The following LYPD5 variants were observed in gnomAD, a reference collection of about 807,000 sequenced individuals.
LYPD5 encodes ly6/PLAUR domain-containing protein 5.
A neutral mutation model predicts 19.1 loss-of-function variants in LYPD5; 21 were observed. That is an observed-to-expected ratio of 1.10 (90% CI 0.78 to 1.58). The LOEUF (loss-of-function observed/expected upper bound fraction) is 1.58. LYPD5 is among the 40% of genes most tolerant of loss of function. The probability of loss-of-function intolerance (pLI) is 0.00; values close to 1 mark genes in which losing one functional copy is unlikely to be tolerated. For synonymous variants in LYPD5, 128 were observed against 142.7 expected, an observed-to-expected ratio of 0.90 and a Z score of 0.74; for missense variants, 287 against 329.8, an observed-to-expected ratio of 0.87 and a Z score of 1.00.
At chr19:43,799,557 CTTT>C in intron 2 of LYPD5, 146 bp downstream of exon 2, 1 of 950,472 alleles carries the variant, frequency 1.1e-6, no homozygotes, top group South Asian at 1.7e-5. Context: ...CCACCCTTTT[CTTT>C]TTCTTCCTCC....
rs1425244581 is a variant in LYPD5 at position 43,812,058 on chromosome 19, A to G, written c.-66+8482T>C. ...TTGGGTGGTGGCTGGATGACCCAGA[A>G]TGGTCTCACTCACAAGACTGGCTGT... On this transcript the variant is annotated intron_variant, in intron 1 of 4. Coordinates refer to the LYPD5 transcript ENST00000414615. Among the ~76,000 whole-genome samples the G allele has an allele frequency of 2.0e-5, 3 of 152,098 alleles. No homozygotes were observed. The East Asian group carries it at 5.8e-4, about 29-fold the overall frequency.
At chr19:43,816,145 G>T (rs180814044) in intron 1 of LYPD5, among the ~76,000 whole-genome samples, 1 of 152,232 alleles carries the variant, frequency 6.6e-6, no homozygotes, top group African/African-American at 2.4e-5. Flanking sequence ...CTGTTTATCA[G>T]TTTAGGAAGT....
intron 1 of LYPD5, among the ~76,000 whole-genome samples, chr19:43,816,228 A>G (rs534850375): frequency 6.6e-6 from 1 of 152,298 alleles, no homozygotes; most frequent in East Asian, 1.9e-4. Flanking sequence ...GACTTCTAAA[A>G]TCTTCACTGA....
chr19:43,807,935 CTT>C (rs1970285774), intron 1 of LYPD5, among the ~76,000 whole-genome samples: 1 of 152,154 alleles, frequency 6.6e-6, no homozygotes, highest in Non-Finnish European at 1.5e-5. Context: ...CTACTCATTT[CTT>C]TGTTTTAGTG....
At chr19:43,802,483 T>A, upstream of LYPD5, 1 of 1,035,200 alleles carries the variant, frequency 9.7e-7, no homozygotes, top group Non-Finnish European at 1.5e-6. Context: ...GCCTGGCCAG[T>A]ATTTCTTCGT....
At chr19:43,800,579 A>G (rs1970209739) in intron 1 of LYPD5, among the ~76,000 whole-genome samples, 1 of 152,198 alleles carries the variant, frequency 6.6e-6, no homozygotes, top group Non-Finnish European at 1.5e-5. Flanking sequence ...GAGGTCCCAA[A>G]TCACAGAAGC....
chr19:43,802,002 G>A (rs1355406672), intron 1 of LYPD5, among the ~76,000 whole-genome samples: 1 of 152,190 alleles, frequency 6.6e-6, no homozygotes, highest in African/African-American at 2.4e-5. Flanking sequence ...GAGAAGAAAG[G>A]CTGGGATGGT....
rs148881691 is a variant in LYPD5, at chr19:43,811,400, C to T, written c.-66+9140G>A. Among the ~76,000 whole-genome samples, 372 of 152,114 alleles carry T rather than the reference C, an allele frequency of 2.4e-3. 2 individuals carry two copies. The highest frequency in any genetic ancestry group is 8.4e-3 in the African/African-American group (347 of 41,516). ...GTATGAAAGTGTTGAAAAATTAGCT[C>T]ATCAGCTGGGCACGGTGGCTCACGC... is the stretch of plus-strand genomic sequence containing the variant. On this transcript the variant is annotated intron_variant, in intron 1 of 4. Transcript: ENST00000414615.
At chr19:43,817,400 CA>C (rs1341802876) in intron 1 of LYPD5, among the ~76,000 whole-genome samples, 1 of 152,170 alleles carries the variant, frequency 6.6e-6, no homozygotes, top group Non-Finnish European at 1.5e-5. Context: ...CAAAGAAAAT[CA>C]AATGCACATT....
upstream of LYPD5, among the ~76,000 whole-genome samples, chr19:43,806,401 A>G (rs1483316981): frequency 2.0e-5 from 3 of 152,068 alleles, no homozygotes; most frequent in East Asian, 1.9e-4. Flanking sequence ...GGTGGCTCAT[A>G]TCTGTAATCC....
Position 43,797,533 on chromosome 19 carries a change from G to T in LYPD5, c.*58C>A. 1 of 1,321,182 alleles carries T rather than the reference G, an allele frequency of 7.6e-7. No homozygotes were observed. Among genetic ancestry groups the T allele is most frequent in the Non-Finnish European group, 1.1e-6 (1 of 945,116 alleles). 81.8% of individuals were successfully genotyped at this position (1,321,182 alleles called of 1,614,324 possible). A position where few individuals can be genotyped will look rare whatever the true frequency, so the allele number is the denominator to read the frequency against. ...TTTTCCAGTGAGCTATGTGATAGGG[G>T]CTGAAGCAGCAAGAATGAGGTGTGT... On this transcript the variant is annotated 3_prime_UTR_variant, in exon 5 of 5. Transcript: ENST00000377950.
At chr19:43,810,854 T>C (rs1293791133) in intron 1 of LYPD5, among the ~76,000 whole-genome samples, 1 of 152,030 alleles carries the variant, frequency 6.6e-6, no homozygotes, top group African/African-American at 2.4e-5. Flanking sequence ...GGTCTTGAAC[T>C]CCTGACCTTA....
chr19:43,801,709 G>A (rs145866539), intron 1 of LYPD5, among the ~76,000 whole-genome samples: 141 of 152,242 alleles, frequency 9.3e-4, no homozygotes, highest in Admixed American at 2.9e-3. Context: ...CACAAGCACA[G>A]AGACTCATAG....
At chr19:43,815,662 TTTATATATGTATCATATAAATCATATATG>T (rs1328112552) in intron 1 of LYPD5, 5 of 226,530 alleles carry the variant, frequency 2.2e-5, no homozygotes, top group Non-Finnish European at 4.4e-5. Flanking sequence ...TGAAGTGTGA[TTTATATATGTATCATATAAATCATATATG>T]TTATATATAA....
chr19:43,797,368 G>A lies in LYPD5; in HGVS notation c.*223C>T, dbSNP rs1288393492. ...TCAGAATTGCTCTTCATCGGGGCACGACATGGCTGTTTTGCCCTCCCCGGG... is the reference window on the plus strand; with the variant it reads ...TCAGAATTGCTCTTCATCGGGGCACAACATGGCTGTTTTGCCCTCCCCGGG... On this transcript the variant is annotated 3_prime_UTR_variant, in exon 5 of 5. Coordinates refer to ENST00000377950, the MANE Select transcript of LYPD5 (RefSeq NM_001031749.3). 5 of 539,224 alleles carry A rather than the reference G, an allele frequency of 9.3e-6. No individual in the cohort carries two copies. The South Asian group carries it at 1.0e-4, about 11-fold the overall frequency. The allele number at this position is 539,224 out of a possible 1,614,324, so 33.4% of individuals were successfully genotyped here. A position where few individuals can be genotyped will look rare whatever the true frequency, so the allele number is the denominator to read the frequency against.
At chr19:43,802,830 C>T (rs1282787178), upstream of LYPD5, among the ~76,000 whole-genome samples, 1 of 152,150 alleles carries the variant, frequency 6.6e-6, no homozygotes, top group Non-Finnish European at 1.5e-5. Flanking sequence ...AACCCCATCT[C>T]CCCACTCATC....
At position 43,798,557 on chromosome 19, in the gene LYPD5, T is replaced by C. The variant is rs148622112; in HGVS notation, c.415A>G (p.Ile139Val). ...TLSGAECYACIGVHQDDCAIG... is the reference protein window; with the variant it reads ...TLSGAECYACVGVHQDDCAIG... ...GCGCAGTCATCCTGGTGGACCCCGA[T>C]ACAGGCGTAGCACTCGGCGCCGCTG... Residue 139 changes from isoleucine to valine, a missense_variant, in exon 4 of 5, where the codon ATC becomes GTC. Physicochemically the swap from Ile to Val is conservative, Grantham distance 29. Transcript: ENST00000377950. 111 of 1,611,746 alleles carry C rather than the reference T, an allele frequency of 6.9e-5. No homozygotes were observed. The African/African-American group carries it at 1.3e-3, about 19-fold the overall frequency.
intron 1 of LYPD5, among the ~76,000 whole-genome samples, chr19:43,817,189 C>A (rs1599699583): frequency 6.6e-6 from 1 of 152,088 alleles, no homozygotes; most frequent in Non-Finnish European, 1.5e-5. Context: ...TATAGTCAGG[C>A]CTCACTCAAA....
At position 43,797,571 on chromosome 19, in the gene LYPD5, C is replaced by T. The variant is rs761890437; in HGVS notation, c.*20G>A. On this transcript the variant is annotated 3_prime_UTR_variant, in exon 5 of 5. Coordinates refer to ENST00000377950, the MANE Select transcript of LYPD5 (RefSeq NM_001031749.3). Reference sequence around the variant, plus strand: ...GAATGAGGTGTGTGAGCCCTGTCCCCAGCATCCTGGAGGGGCGGTCTATGC... The same window carrying T: ...GAATGAGGTGTGTGAGCCCTGTCCCTAGCATCCTGGAGGGGCGGTCTATGC... The T allele has an allele frequency of 2.3e-5, 36 of 1,556,492 alleles. No individual in the cohort carries two copies. The highest frequency in any genetic ancestry group is 1.4e-5 in the African/African-American group (1 of 73,812).
Sources: allele counts gnomAD v4.1 joint callset (sites outside exome capture counted in the v4.1 genomes callset), GRCh38; gene constraint gnomAD v4.1.1; transcripts MANE v1.5; gene names NCBI Gene and HGNC (gene_info 2026-07-23, HGNC 2026-07-21).